The following ADRA1D variants were observed in gnomAD, a reference collection of about 807,000 sequenced individuals.
ADRA1D encodes adrenoceptor alpha 1D, also known as alpha-1D adrenergic receptor.
Under a neutral mutation model 18.6 loss-of-function variants are expected in ADRA1D, and 22 were observed. That is an observed-to-expected ratio of 1.19 (90% CI 0.85 to 1.69). The LOEUF is 1.69. ADRA1D is among the 40% of genes most tolerant of loss of function. ADRA1D has a pLI of 0.00. For synonymous variants in ADRA1D, 376 were observed against 388.2 expected, an observed-to-expected ratio of 0.97 and a Z score of 0.37; for missense variants, 840 against 840.7, an observed-to-expected ratio of 1.00 and a Z score of 0.01.
chr20:4,237,836 G>GTATTTATTTATTTATTTATTTATT (rs148787510), intron 1 of ADRA1D, among the ~76,000 whole-genome samples: 174 of 144,694 alleles, frequency 1.2e-3, no homozygotes, highest in African/African-American at 1.9e-3. Flanking sequence ...GCTAATTTTT[G>GTATTTATTTATTTATTTATTTATT]TATTTATTTA....
At chr20:4,223,649 C>T (rs779477965) in intron 1 of ADRA1D, among the ~76,000 whole-genome samples, 12 of 152,250 alleles carry the variant, frequency 7.9e-5, no homozygotes, top group Middle Eastern at 6.8e-3. Flanking sequence ...AAAAGTGATA[C>T]GCGTTCAGTA....
chr20:4,220,879 T>G lies in ADRA1D; in HGVS notation c.*644A>C, dbSNP rs1600843071. 6.6e-6 allele frequency: 1 copy of G among 152,618 alleles called. No individual in the cohort carries two copies. The highest frequency in any genetic ancestry group is 1.9e-4 in the East Asian group (1 of 5,186). 9.5% of individuals were successfully genotyped at this position (152,618 alleles called of 1,614,324 possible). A position where few individuals can be genotyped will look rare whatever the true frequency, so the allele number is the denominator to read the frequency against. The stretch of plus-strand genomic sequence containing the variant: ...TGAGCTATGTACAGAGTGTAAACAG[T>G]AAGGCCCTTGAGGGGAAGTAATAAG... On this transcript the variant is annotated 3_prime_UTR_variant, in exon 2 of 2. Transcript: ENST00000379453.
chr20:4,245,693 G>A (rs533786787), intron 1 of ADRA1D, among the ~76,000 whole-genome samples: 2 of 152,320 alleles, frequency 1.3e-5, no homozygotes, highest in East Asian at 3.9e-4. Context: ...TTCCCTACAG[G>A]GGCCCAGTGT....
At chr20:4,232,426 C>T (rs950246721) in intron 1 of ADRA1D, among the ~76,000 whole-genome samples, 1 of 152,178 alleles carries the variant, frequency 6.6e-6, no homozygotes, top group Non-Finnish European at 1.5e-5. Flanking sequence ...TACACCAGGC[C>T]GTGTGGCATT....
chr20:4,237,052 A>G (rs1754798334), intron 1 of ADRA1D, among the ~76,000 whole-genome samples: 1 of 152,138 alleles, frequency 6.6e-6, no homozygotes, highest in African/African-American at 2.4e-5. Context: ...CTGGGACCTT[A>G]GCAGCTGGAC....
intron 1 of ADRA1D, among the ~76,000 whole-genome samples, chr20:4,243,507 G>A (rs1341535646): frequency 6.6e-6 from 1 of 152,216 alleles, no homozygotes; most frequent in Non-Finnish European, 1.5e-5. Flanking sequence ...AGGCCCCAGG[G>A]ATTGGTGTCA....
In ADRA1D at chr20:4,220,884, C is replaced by T. The variant is rs1980642389; in HGVS notation, c.*639G>A. ...TATGTACAGAGTGTAAACAGTAAGG[C>T]CCTTGAGGGGAAGTAATAAGGGGTA... On this transcript the variant is annotated 3_prime_UTR_variant, in exon 2 of 2. Coordinates refer to ENST00000379453, the MANE Select transcript of ADRA1D (RefSeq NM_000678.4). The T allele has an allele frequency of 6.6e-6, 1 of 152,664 alleles. No individual in the cohort carries two copies. Among genetic ancestry groups the T allele is most frequent in the Non-Finnish European group, 1.5e-5 (1 of 68,150 alleles). The allele number at this position is 152,664 out of a possible 1,614,324, so 9.5% of individuals were successfully genotyped here.
intron 1 of ADRA1D, among the ~76,000 whole-genome samples, chr20:4,225,155 C>A (rs1379966262): frequency 1.3e-5 from 2 of 151,548 alleles, no homozygotes; most frequent in East Asian, 3.9e-4. Flanking sequence ...GCACGCACCA[C>A]CATGCCCAGC....
chr20:4,247,902 G>C lies in ADRA1D; in HGVS notation c.1056C>G (p.Ile352Met). 6.3e-7 allele frequency: 1 copy of C among 1,596,436 alleles called. No homozygotes were observed. Among genetic ancestry groups the C allele is most frequent in the African/African-American group, 1.4e-5 (1 of 73,730 alleles). The change falls in exon 1 of 2, where the codon ATC becomes ATG. Residue 352 changes from isoleucine to methionine, a missense_variant. By Grantham distance (10) the Ile-to-Met change is conservative. Coordinates refer to ENST00000379453, the MANE Select transcript of ADRA1D (RefSeq NM_000678.4). ...AGCAGAGCACGAAGACACCCACGAC[G>C]ATGGCCAGAGTCTTGGCCGCTTTCT... The part of the protein sequence containing the change: ...REKKAAKTLA[I>M]VVGVFVLCWF...
At chr20:4,232,752 A>G (rs1170424649) in intron 1 of ADRA1D, among the ~76,000 whole-genome samples, 1 of 152,218 alleles carries the variant, frequency 6.6e-6, no homozygotes, top group Non-Finnish European at 1.5e-5. Context: ...AACTGCCCTC[A>G]GTCAATGGGA....
At chr20:4,245,379 G>A (rs1165978213) in intron 1 of ADRA1D, among the ~76,000 whole-genome samples, 1 of 152,102 alleles carries the variant, frequency 6.6e-6, no homozygotes, top group East Asian at 1.9e-4. Flanking sequence ...GATGTTTGTA[G>A]TAAGAGTATG....
chr20:4,230,152 C>T (rs562233563), intron 1 of ADRA1D, among the ~76,000 whole-genome samples: 13 of 152,236 alleles, frequency 8.5e-5, no homozygotes, highest in Non-Finnish European at 1.9e-4. Flanking sequence ...TATCCCCTAA[C>T]CCTGTGCTCC....
At position 4,239,649 on chromosome 20, in the gene ADRA1D, G is replaced by A. The variant is rs531835860; in HGVS notation, c.1111+8198C>T. 6.6e-6 allele frequency among the ~76,000 whole-genome samples: 1 copy of A among 152,278 alleles called. No homozygotes were observed. The highest frequency in any genetic ancestry group is 2.1e-4 in the South Asian group (1 of 4,814). On this transcript the variant is annotated intron_variant, in intron 1 of 1. Coordinates refer to ENST00000379453, the MANE Select transcript of ADRA1D (RefSeq NM_000678.4). The surrounding 1 kb of genome is among the most constrained non-coding windows in gnomAD (Gnocchi z 4.9). ...AGATCTCAGAAGCCAACTGGAAGGA[G>A]TACCCACTGGCCAAGCCCAAAACAA... is the stretch of plus-strand genomic sequence containing the variant.
rs1980686909 is a variant in ADRA1D, at chr20:4,222,079, A to G, written c.1163T>C (p.Phe388Ser). 2 of 1,613,018 alleles carry G rather than the reference A, an allele frequency of 1.2e-6. No individual in the cohort carries two copies. Among genetic ancestry groups the G allele is most frequent in the Non-Finnish European group, 1.7e-6 (2 of 1,179,576 alleles). The change falls in exon 2 of 2, where the codon TTC (phenylalanine) becomes TCC (serine). Residue 388 changes from phenylalanine (F) to serine (S), a missense_variant. By Grantham distance (155) the Phe-to-Ser change is radical. Coordinates refer to ENST00000379453, the MANE Select transcript of ADRA1D (RefSeq NM_000678.4). The surrounding 1 kb of genome is among the most constrained non-coding windows in gnomAD (Gnocchi z 4.3). Reference protein sequence around the residue: ...KPSEGVFKVIFWLGYFNSCVN... With the variant: ...KPSEGVFKVISWLGYFNSCVN... ...GCAGCTGTTGAAGTAGCCGAGCCAG[A>G]AGATGACCTTGAAGACGCCCTCCGA... is the stretch of plus-strand genomic sequence containing the variant.
intron 1 of ADRA1D, among the ~76,000 whole-genome samples, chr20:4,235,054 G>A (rs750079261): frequency 5.3e-5 from 8 of 152,292 alleles, no homozygotes; most frequent in South Asian, 2.1e-4. Flanking sequence ...GGGGTGAGTC[G>A]AGGGCACCGT....
In ADRA1D at chr20:4,222,232, A is replaced by G. The variant is rs1222676614; in HGVS notation, c.1112-102T>C. 2.0e-6 allele frequency: 3 copies of G among 1,478,404 alleles called. No individual in the cohort carries two copies. Among genetic ancestry groups the G allele is most frequent in the Non-Finnish European group, 2.7e-6 (3 of 1,113,646 alleles). 91.6% of individuals were successfully genotyped at this position (1,478,404 alleles called of 1,614,324 possible). On this transcript the variant is annotated intron_variant, in intron 1 of 1. Transcript: ENST00000379453. This position sits in a 1 kb window ranked among gnomAD's most constrained non-coding sequence, Gnocchi z 4.3. ...ACCCTTCAGTAGCCTTGGCTGAGTC[A>G]TTGACTAGGAGTTCTCAAGGGATCC...
In ADRA1D at chr20:4,247,940, A is replaced by G. The variant is rs1466150421; in HGVS notation, c.1018T>C (p.Phe340Leu). ...TTGGCCGCTTTCTTCTCACGGGAGA[A>G]CTTGAGCAGGCGCACGGAGAGCGAG... ...RSSLSVRLLKFSREKKAAKTL... is the reference protein window; with the variant it reads ...RSSLSVRLLKLSREKKAAKTL... Residue 340 changes from phenylalanine (F) to leucine (L), a missense_variant, in exon 1 of 2, where the codon TTC becomes CTC. Coordinates refer to ENST00000379453, the MANE Select transcript of ADRA1D (RefSeq NM_000678.4). 6.2e-7 allele frequency: 1 copy of G among 1,603,192 alleles called. No individual in the cohort carries two copies. The highest frequency in any genetic ancestry group is 8.5e-7 in the Non-Finnish European group (1 of 1,175,100).
intron 1 of ADRA1D, among the ~76,000 whole-genome samples, chr20:4,230,851 C>T (rs912706943): frequency 1.3e-5 from 2 of 152,204 alleles, no homozygotes; most frequent in Non-Finnish European, 2.9e-5. Context: ...CCTCCTCCCC[C>T]AGTCCCTGCA....
intron 1 of ADRA1D, among the ~76,000 whole-genome samples, chr20:4,237,471 A>AAG (rs1487889505): frequency 1.3e-5 from 2 of 151,140 alleles, no homozygotes; most frequent in Non-Finnish European, 3.0e-5. Flanking sequence ...AAAAAAAAAA[A>AAG]AAAGAAAGAA....
Sources: allele counts gnomAD v4.1 joint callset (sites outside exome capture counted in the v4.1 genomes callset), GRCh38; gene constraint gnomAD v4.1.1; non-coding constraint Gnocchi (gnomAD v3.1); transcripts MANE v1.5; gene names NCBI Gene and HGNC (gene_info 2026-07-23, HGNC 2026-07-21).